Variants in MARK2 observed in about 807,000 individuals in gnomAD.
MARK2 encodes the protein microtubule affinity regulating kinase 2.
Under a neutral mutation model 89.8 loss-of-function variants are expected in MARK2, and 16 were observed. That is an observed-to-expected ratio of 0.18 (90% confidence interval 0.12 to 0.27). The LOEUF is 0.27. Ranked by LOEUF, MARK2 falls within the 10% of genes least tolerant of loss-of-function variation. The pLI is 1.00. For missense variants in MARK2, 621 were observed against 1,049.9 expected (o/e 0.59, Z 5.65); for synonymous variants, 382 against 399.5 (o/e 0.96, Z 0.52).
intron 1 of MARK2, among the ~76,000 whole-genome samples, chr11:63,869,964 A>G (rs1286051341): frequency 6.6e-6 from 1 of 152,230 alleles, no homozygotes; most frequent in Non-Finnish European, 1.5e-5. Context: ...AAGCATGGAA[A>G]CAAAAGTCCC....
intron 11 of MARK2, among the ~76,000 whole-genome samples, chr11:63,901,840 C>A (rs531238753): frequency 6.6e-6 from 1 of 152,212 alleles, no homozygotes; most frequent in South Asian, 2.1e-4. Context: ...CTGCCCTGCT[C>A]TCCCTCTGGT....
chr11:63,886,505 A>G (rs1430507200), intron 1 of MARK2, among the ~76,000 whole-genome samples: 2 of 151,486 alleles, frequency 1.3e-5, no homozygotes, highest in African/African-American at 4.9e-5. Context: ...GCTCACTGCA[A>G]CCTCCACCTC....
chr11:63,858,998 T>G (rs1455579978), intron 1 of MARK2, among the ~76,000 whole-genome samples: 1 of 152,260 alleles, frequency 6.6e-6, no homozygotes, highest in Non-Finnish European at 1.5e-5. Flanking sequence ...TATGTTTTTT[T>G]ATTCCATTAA....
In MARK2 at chr11:63,839,493, G is replaced by A; in HGVS notation, c.-14G>A. On this transcript the variant is annotated 5_prime_UTR_variant, in exon 1 of 19. Coordinates refer to ENST00000402010, the MANE Select transcript of MARK2 (RefSeq NM_001039469.3). The stretch of plus-strand genomic sequence containing the variant: ...TCCAAGCTTCTCGGTTCCCTCCCCC[G>A]AGATACCGGCGCCATGTCCAGCGCT... The A allele has an allele frequency of 6.6e-7, 1 of 1,512,416 alleles. No individual in the cohort carries two copies. Among genetic ancestry groups the A allele is most frequent in the Non-Finnish European group, 8.9e-7 (1 of 1,122,388 alleles). 93.7% of individuals were successfully genotyped at this position (1,512,416 alleles called of 1,614,324 possible).
At chr11:63,863,422 T>G (rs952855319) in intron 1 of MARK2, among the ~76,000 whole-genome samples, 1 of 151,332 alleles carries the variant, frequency 6.6e-6, no homozygotes, top group Non-Finnish European at 1.5e-5. Context: ...GGGGTGAGAG[T>G]AAAGGGGTGA....
rs1320600806 is a variant in MARK2, at chr11:63,910,011, TC to T, written c.*777del. 1 of 152,360 alleles carries T rather than the reference TC, an allele frequency of 6.6e-6. No individual in the cohort carries two copies. The highest frequency in any genetic ancestry group is 1.5e-5 in the Non-Finnish European group (1 of 68,214). 9.4% of individuals were successfully genotyped at this position (152,360 alleles called of 1,614,324 possible). A position where few individuals can be genotyped will look rare whatever the true frequency, so the allele number is the denominator to read the frequency against. On this transcript the variant is annotated 3_prime_UTR_variant, in exon 19 of 19. Transcript: ENST00000402010. ...CACAAGCTGCTGTGGGGACGTGTGTTCCCTCAAAGTCTGTGCCATCTTCTCC... is the reference window on the plus strand; with the variant it reads ...CACAAGCTGCTGTGGGGACGTGTGTTCCTCAAAGTCTGTGCCATCTTCTCC...
rs1186476761 is a variant in MARK2 at position 63,900,556 on chromosome 11, C to T, written c.769-3C>T. 6 of 1,613,860 alleles carry T rather than the reference C, an allele frequency of 3.7e-6. No individual in the cohort carries two copies. Among genetic ancestry groups the T allele is most frequent in the African/African-American group, 1.3e-5 (1 of 75,042 alleles). On this transcript the variant is annotated splice_region_variant and splice_polypyrimidine_tract_variant and intron_variant, in intron 8 of 18. Coordinates refer to ENST00000402010, the MANE Select transcript of MARK2 (RefSeq NM_001039469.3). This position sits in a 1 kb window ranked among gnomAD's most constrained non-coding sequence, Gnocchi z 4.7. Reference sequence around the variant, plus strand: ...AATTTTCTAACCCTGGATCCTCCTGCAGGAGCTGCGGGAACGGGTACTGAG... The same window carrying T: ...AATTTTCTAACCCTGGATCCTCCTGTAGGAGCTGCGGGAACGGGTACTGAG...
chr11:63,901,431 G>GTGTGTGTGTGTGTGTGTA (rs745616550), intron 11 of MARK2, among the ~76,000 whole-genome samples: 6 of 147,902 alleles, frequency 4.1e-5, no homozygotes, highest in Non-Finnish European at 8.9e-5. Flanking sequence ...GGGTGTGTGT[G>GTGTGTGTGTGTGTGTGTA]TGTGTCTCTG....
chr11:63,846,923 T>C (rs2016313978), intron 1 of MARK2, among the ~76,000 whole-genome samples: 1 of 152,222 alleles, frequency 6.6e-6, no homozygotes. Flanking sequence ...CCCAAAGTGC[T>C]GGGATTACAG....
chr11:63,863,345 T>C (rs1221808857), intron 1 of MARK2, among the ~76,000 whole-genome samples: 2 of 151,970 alleles, frequency 1.3e-5, no homozygotes, highest in Non-Finnish European at 2.9e-5. Context: ...TGAACTTGAG[T>C]GTATGATTTA....
chr11:63,868,875 G>T (rs1438369291), intron 1 of MARK2: 1 of 455,910 alleles, frequency 2.2e-6, no homozygotes, highest in African/African-American at 2.0e-5. Context: ...GGCACGGGAA[G>T]AACTGATTTC....
rs1289296156 is a variant in MARK2, at chr11:63,900,522, G to A, written c.769-37G>A. On this transcript the variant is annotated intron_variant, in intron 8 of 18. Transcript: ENST00000402010. This position sits in a 1 kb window ranked among gnomAD's most constrained non-coding sequence, Gnocchi z 4.7. The stretch of plus-strand genomic sequence containing the variant: ...ATTAGGTTTCTTCCTTTGGCCTTGG[G>A]GTGATTTCAATTTTCTAACCCTGGA... 6.2e-7 allele frequency: 1 copy of A among 1,609,672 alleles called. No homozygotes were observed. Among genetic ancestry groups the A allele is most frequent in the East Asian group, 2.2e-5 (1 of 44,816 alleles).
intron 3 of MARK2, 24 bp downstream of exon 3, chr11:63,895,657 C>CA: frequency 7.0e-7 from 1 of 1,420,778 alleles, no homozygotes; most frequent in African/African-American, 1.6e-5. Flanking sequence ...ACCTCCTGTC[C>CA]CTTTTTTTTT....
chr11:63,880,982 T>C (rs1939054354), intron 1 of MARK2, among the ~76,000 whole-genome samples: 1 of 152,254 alleles, frequency 6.6e-6, no homozygotes, highest in Non-Finnish European at 1.5e-5. Context: ...TACTGAATAC[T>C]GTGCTGGGCA....
rs76068344 is a variant in MARK2, at chr11:63,908,849, G to C, written c.2007-28G>C. ...TGGGGTGGGGTGCCTCAGCCCCCCC[G>C]TGACGCCCGCCTCTGCCCTCTCCAC... is the stretch of plus-strand genomic sequence containing the variant. On this transcript the variant is annotated intron_variant, in intron 18 of 18. Coordinates refer to ENST00000402010, the MANE Select transcript of MARK2 (RefSeq NM_001039469.3). 1.9e-5 allele frequency: 27 copies of C among 1,397,664 alleles called. No individual in the cohort carries two copies. In the South Asian group the frequency reaches 4.7e-4, roughly 25 times the overall value. 86.6% of individuals were successfully genotyped at this position (1,397,664 alleles called of 1,614,324 possible).
intron 16 of MARK2, among the ~76,000 whole-genome samples, chr11:63,905,618 T>G (rs996959547): frequency 5.3e-5 from 8 of 152,242 alleles, no homozygotes; most frequent in African/African-American, 1.9e-4. Context: ...GCCAAAGGTT[T>G]CCTGTGTTGG....
chr11:63,856,718 C>G (rs2016868983), intron 1 of MARK2, among the ~76,000 whole-genome samples: 1 of 148,702 alleles, frequency 6.7e-6, no homozygotes, highest in Non-Finnish European at 1.5e-5. Flanking sequence ...CCACTGCAAC[C>G]TGTCTTGTTT....
chr11:63,884,399 G>A lies in MARK2; in HGVS notation c.55-10760G>A, dbSNP rs113856132. Among the ~76,000 whole-genome samples, 489 of 152,142 alleles carry A rather than the reference G, an allele frequency of 3.2e-3. 3 individuals are homozygous for A. Among genetic ancestry groups the A allele is most frequent in the African/African-American group, 0.011 (474 of 41,398 alleles). The stretch of plus-strand genomic sequence containing the variant: ...GTTCTCACCTCTTATGCCATGTCAG[G>A]TTTTTCCCAGGCAGGCTTGAGTCCT... On this transcript the variant is annotated intron_variant, in intron 1 of 18. Coordinates refer to ENST00000402010, the MANE Select transcript of MARK2 (RefSeq NM_001039469.3).
intron 18 of MARK2, among the ~76,000 whole-genome samples, 190 bp from the exon 19 acceptor site, chr11:63,908,687 C>A (rs1007303352): frequency 6.6e-6 from 1 of 152,184 alleles, no homozygotes; most frequent in South Asian, 2.1e-4. Flanking sequence ...GCTTCTCCTC[C>A]CCTTCGCTGT....
Sources: gnomAD v4.1 joint callset for allele counts (sites outside exome capture counted in the v4.1 genomes callset) on GRCh38, gnomAD v4.1.1 for gene constraint, Gnocchi (gnomAD v3.1) non-coding constraint, MANE v1.5 for transcripts, NCBI Gene and HGNC (gene_info 2026-07-23, HGNC 2026-07-21) for gene names.